Variants in PTPRK observed in about 807,000 individuals in gnomAD.
PTPRK encodes the protein protein tyrosine phosphatase receptor type K.
In PTPRK, 75 loss-of-function variants were observed where a neutral mutation model predicts 178.0. That is an observed-to-expected ratio of 0.42 (90% CI 0.35 to 0.51). PTPRK has a LOEUF of 0.51. Ranked by LOEUF, PTPRK falls within the 20% of genes least tolerant of loss-of-function variation. The pLI, the probability that PTPRK is intolerant of heterozygous loss-of-function variation, is 0.02. For missense variants in PTPRK, 1,441 were observed against 1,797.8 expected (o/e 0.80, Z 3.59); for synonymous variants, 637 against 620.6 (o/e 1.03, Z -0.39).
At chr6:128,184,388 T>C in intron 7 of PTPRK, 44 bp downstream of exon 7, 1 of 1,578,880 alleles carries the variant, frequency 6.3e-7, no homozygotes, top group Non-Finnish European at 8.7e-7. Flanking sequence ...TGTCTTATGC[T>C]AGATTCCTTC....
intron 7 of PTPRK, among the ~76,000 whole-genome samples, chr6:128,169,891 T>G (rs1231477007): frequency 1.3e-5 from 2 of 151,762 alleles, no homozygotes; most frequent in African/African-American, 2.4e-5. Context: ...CCAGGCACTT[T>G]CCAGAACTAT....
At chr6:127,992,335 T>G (rs930835219) in intron 19 of PTPRK, among the ~76,000 whole-genome samples, 2 of 151,904 alleles carry the variant, frequency 1.3e-5, no homozygotes, top group East Asian at 1.9e-4. Context: ...AAGACAGGCC[T>G]CTTATATGAG....
chr6:128,018,354 T>C (rs1779848130), intron 13 of PTPRK, among the ~76,000 whole-genome samples: 1 of 152,102 alleles, frequency 6.6e-6, no homozygotes, highest in Non-Finnish European at 1.5e-5. Flanking sequence ...AATACATTAA[T>C]GCTAGGGTTA....
At chr6:128,217,645 T>C (rs1347130988) in intron 6 of PTPRK, among the ~76,000 whole-genome samples, 3 of 152,182 alleles carry the variant, frequency 2.0e-5, no homozygotes, top group Admixed American at 6.5e-5. Context: ...ATGCCAAGCA[T>C]TATAAAATAT....
intron 2 of PTPRK, among the ~76,000 whole-genome samples, chr6:128,366,744 A>G (rs1835548859): frequency 6.6e-6 from 1 of 152,198 alleles, no homozygotes; most frequent in Admixed American, 6.5e-5. Context: ...TCAAGTGTGC[A>G]TTGAACATAT....
At chr6:128,237,064 T>C (rs941540951) in intron 5 of PTPRK, among the ~76,000 whole-genome samples, 2 of 152,196 alleles carry the variant, frequency 1.3e-5, no homozygotes, top group African/African-American at 4.8e-5. Context: ...ATTTTTCAGT[T>C]TTTCCATAAC....
intron 29 of PTPRK, among the ~76,000 whole-genome samples, chr6:127,971,651 C>T (rs1021225761): frequency 7.9e-5 from 12 of 151,990 alleles, no homozygotes; most frequent in East Asian, 1.9e-4. Flanking sequence ...TCAGGATTCA[C>T]GGGACATGAA....
At chr6:128,216,542 T>TA (rs75802526) in intron 6 of PTPRK, among the ~76,000 whole-genome samples, 6,424 of 84,214 alleles carry the variant, frequency 0.076, 310 homozygotes, top group African/African-American at 0.19. Flanking sequence ...CTCAGAAAAA[T>TA]AAAAAAAAAA....
intron 7 of PTPRK, among the ~76,000 whole-genome samples, chr6:128,120,154 A>C (rs1217667007): frequency 6.6e-6 from 1 of 151,942 alleles, no homozygotes; most frequent in African/African-American, 2.4e-5. Flanking sequence ...TCCTACTTTC[A>C]AGCACGACTA....
At chr6:128,152,801 G>A (rs1797456868) in intron 7 of PTPRK, among the ~76,000 whole-genome samples, 1 of 151,942 alleles carries the variant, frequency 6.6e-6, no homozygotes, top group African/African-American at 2.4e-5. Context: ...GACAGATCGT[G>A]ACAGAGAAAG....
At chr6:128,221,432 G>T (rs1254549639) in intron 5 of PTPRK, among the ~76,000 whole-genome samples, 2 of 151,722 alleles carry the variant, frequency 1.3e-5, no homozygotes, top group Non-Finnish European at 2.9e-5. Context: ...GCTGAGGCAG[G>T]AGAATGGTGT....
intron 1 of PTPRK, among the ~76,000 whole-genome samples, chr6:128,426,587 T>G (rs1435354311): frequency 6.6e-6 from 1 of 152,178 alleles, no homozygotes; most frequent in Non-Finnish European, 1.5e-5. Flanking sequence ...TTGAAAACAA[T>G]GAATGAAATA....
chr6:127,996,889 A>T lies in PTPRK; in HGVS notation c.2767+12T>A, dbSNP rs748442204. On this transcript the variant is annotated intron_variant, in intron 17 of 29. Coordinates refer to ENST00000368226, the MANE Select transcript of PTPRK (RefSeq NM_002844.4). ...AATATTTACATTCACCAAGAATTGA[A>T]TGGGAACTTACATGCTATAATGTTT... 1.2e-6 allele frequency: 2 copies of T among 1,606,250 alleles called. No homozygotes were observed. The highest frequency in any genetic ancestry group is 2.7e-5 in the African/African-American group (2 of 74,732).
intron 3 of PTPRK, among the ~76,000 whole-genome samples, chr6:128,314,138 GAC>G (rs1320081304): frequency 3.9e-5 from 6 of 152,110 alleles, no homozygotes; most frequent in African/African-American, 1.4e-4. Flanking sequence ...ATCTCCAGGT[GAC>G]AGTTCTTCCT....
intron 1 of PTPRK, among the ~76,000 whole-genome samples, chr6:128,404,536 G>A (rs1387521640): frequency 3.3e-5 from 5 of 152,144 alleles, no homozygotes; most frequent in Non-Finnish European, 7.4e-5. Flanking sequence ...ACAGGTAACC[G>A]CATATCCATT....
chr6:128,458,764 A>G (rs547586412), intron 1 of PTPRK, among the ~76,000 whole-genome samples: 43 of 152,358 alleles, frequency 2.8e-4, no homozygotes, highest in African/African-American at 7.7e-4. Context: ...GGAATAAAAA[A>G]GAAACCATAC....
At chr6:128,003,104 C>T in intron 15 of PTPRK, 1 of 1,252,024 alleles carries the variant, frequency 8.0e-7, no homozygotes, top group Non-Finnish European at 1.1e-6. Context: ...AATCAAGCTG[C>T]CTCCTGCACT....
At chr6:128,235,057 A>G (rs1174031013) in intron 5 of PTPRK, among the ~76,000 whole-genome samples, 1 of 152,210 alleles carries the variant, frequency 6.6e-6, no homozygotes, top group Non-Finnish European at 1.5e-5. Flanking sequence ...AAGGTTACGG[A>G]TACATCAATT....
At chr6:128,432,772 A>ACACC (rs965738083) in intron 1 of PTPRK, among the ~76,000 whole-genome samples, 12 of 150,830 alleles carry the variant, frequency 8.0e-5, no homozygotes, top group African/African-American at 2.2e-4. Context: ...ACACACACAC[A>ACACC]CCCTAACTCA....
Sources: allele counts gnomAD v4.1 joint callset (sites outside exome capture counted in the v4.1 genomes callset), GRCh38; gene constraint gnomAD v4.1.1; transcripts MANE v1.5; gene names NCBI Gene and HGNC (gene_info 2026-07-23, HGNC 2026-07-21).